The following MBOAT2 variants were observed in gnomAD, a reference collection of about 807,000 sequenced individuals.
MBOAT2 encodes membrane bound glycerophospholipid O-acyltransferase 2, also known as membrane-bound glycerophospholipid O-acyltransferase 2.
In MBOAT2, 28 loss-of-function variants were observed where a neutral mutation model predicts 63.4. The ratio of observed to expected loss-of-function variants is 0.44; its 90% CI spans 0.33 to 0.61. MBOAT2 has a LOEUF of 0.61. Ranked by LOEUF, MBOAT2 falls within the 20% of genes least tolerant of loss-of-function variation. MBOAT2 has a pLI of 0.03. For synonymous variants in MBOAT2, 211 were observed against 215.6 expected, an observed-to-expected ratio of 0.98 and a Z score of 0.19; for missense variants, 470 against 605.8, an observed-to-expected ratio of 0.78 and a Z score of 2.35.
intron 3 of MBOAT2, among the ~76,000 whole-genome samples, chr2:8,930,387 A>G (rs937528863): frequency 6.6e-6 from 1 of 151,750 alleles, no homozygotes; most frequent in African/African-American, 2.4e-5. Context: ...AGCTTCATCC[A>G]TGTTCCTACA....
At chr2:8,957,812 G>GT (rs1238912210) in intron 2 of MBOAT2, among the ~76,000 whole-genome samples, 1 of 152,164 alleles carries the variant, frequency 6.6e-6, no homozygotes, top group Non-Finnish European at 1.5e-5. Context: ...AGTTTCTGCT[G>GT]TTTTGCCAAG....
At chr2:8,985,814 C>T (rs754793207) in intron 1 of MBOAT2, among the ~76,000 whole-genome samples, 4 of 152,158 alleles carry the variant, frequency 2.6e-5, no homozygotes, top group Non-Finnish European at 5.9e-5. Context: ...TCAACTCTTG[C>T]CCTCCACACA....
At position 9,003,244 on chromosome 2, in the gene MBOAT2, G is replaced by C. The variant is rs1672839139; in HGVS notation, c.75+296C>G. ...GCCGCTGCCGCGAAGGGCAGGGACC[G>C]CATGCACACCCGCACGCCCATACGA... On this transcript the variant is annotated intron_variant, in intron 1 of 12. Transcript: ENST00000305997. This position sits in a 1 kb window ranked among gnomAD's most constrained non-coding sequence, Gnocchi z 5.4. Among the ~76,000 whole-genome samples, 1 of 152,150 alleles carries C rather than the reference G, an allele frequency of 6.6e-6. No homozygotes were observed. Among genetic ancestry groups the C allele is most frequent in the African/African-American group, 2.4e-5 (1 of 41,454 alleles).
rs111700541 is a variant in MBOAT2, at chr2:8,858,412, C to T, written c.*267G>A. On this transcript the variant is annotated 3_prime_UTR_variant, in exon 13 of 13. Coordinates refer to ENST00000305997, the MANE Select transcript of MBOAT2 (RefSeq NM_138799.4). ...AACATACATTCAGCAACAGGGCACG[C>T]GTGTGACCCTACGGACAAGTGCTGA... 2.8e-4 allele frequency: 104 copies of T among 367,992 alleles called. No homozygotes were observed. In the East Asian group the frequency reaches 3.0e-3, roughly 11 times the overall value. The allele number at this position is 367,992 out of a possible 1,614,324, so 22.8% of individuals were successfully genotyped here. A position where few individuals can be genotyped will look rare whatever the true frequency, so the allele number is the denominator to read the frequency against.
At chr2:8,927,999 G>C (rs939301974) in intron 3 of MBOAT2, among the ~76,000 whole-genome samples, 4 of 152,138 alleles carry the variant, frequency 2.6e-5, no homozygotes, top group African/African-American at 9.7e-5. Context: ...AGAAGGTGAA[G>C]GGGGAGCAGC....
At chr2:8,945,387 T>C (rs928591720) in intron 2 of MBOAT2, among the ~76,000 whole-genome samples, 2 of 152,176 alleles carry the variant, frequency 1.3e-5, no homozygotes, top group Non-Finnish European at 2.9e-5. Flanking sequence ...ATAAACACAG[T>C]GGCCACTTGA....
intron 4 of MBOAT2, among the ~76,000 whole-genome samples, chr2:8,895,817 T>G (rs548400349): frequency 5.9e-5 from 9 of 152,096 alleles, no homozygotes; most frequent in African/African-American, 9.7e-5. Flanking sequence ...GCCTCGATTC[T>G]AGAGGAAACA....
intron 3 of MBOAT2, among the ~76,000 whole-genome samples, chr2:8,923,778 T>C (rs964617909): frequency 6.6e-6 from 1 of 152,292 alleles, no homozygotes; most frequent in South Asian, 2.1e-4. Flanking sequence ...TGAATTAACA[T>C]TTCTCAAATT....
At chr2:8,916,086 G>T (rs565833510) in intron 3 of MBOAT2, among the ~76,000 whole-genome samples, 4 of 152,322 alleles carry the variant, frequency 2.6e-5, no homozygotes, top group Non-Finnish European at 5.9e-5. Flanking sequence ...TACATGTGCA[G>T]GGTCCATCTT....
intron 1 of MBOAT2, among the ~76,000 whole-genome samples, chr2:8,973,826 A>G (rs1670630900): frequency 6.6e-6 from 1 of 152,216 alleles, no homozygotes; most frequent in South Asian, 2.1e-4. Context: ...TGTCAAGTGT[A>G]TAAGGAAACA....
intron 1 of MBOAT2, among the ~76,000 whole-genome samples, chr2:8,960,710 T>C (rs552612100): frequency 2.4e-4 from 37 of 152,346 alleles, no homozygotes; most frequent in African/African-American, 8.4e-4. Context: ...TGAAATCATC[T>C]CTTTTCAACA....
chr2:8,991,852 C>A (rs1486956583), intron 1 of MBOAT2, among the ~76,000 whole-genome samples: 1 of 152,200 alleles, frequency 6.6e-6, no homozygotes, highest in East Asian at 1.9e-4. Flanking sequence ...AGCGAACATT[C>A]CTTTATGGTC....
chr2:8,931,381 G>C (rs1469633020), intron 3 of MBOAT2, among the ~76,000 whole-genome samples: 3 of 151,938 alleles, frequency 2.0e-5, no homozygotes, highest in Non-Finnish European at 4.4e-5. Flanking sequence ...TTGGCTTCTG[G>C]GGAGGTCTCA....
rs1205154550 is a variant in MBOAT2 at position 8,854,079 on chromosome 2, A to C, written c.*4600T>G. 1 of 152,222 alleles carries C rather than the reference A, an allele frequency of 6.6e-6. No individual in the cohort carries two copies. The highest frequency in any genetic ancestry group is 1.5e-5 in the Non-Finnish European group (1 of 68,030). 9.4% of individuals were successfully genotyped at this position (152,222 alleles called of 1,614,324 possible). On this transcript the variant is annotated 3_prime_UTR_variant, in exon 13 of 13. Coordinates refer to ENST00000305997, the MANE Select transcript of MBOAT2 (RefSeq NM_138799.4). ...ATAAGAGCTTTCCTACAAAATACCG[A>C]TGTGGAAAATTTCATTTTAAAATTT...
chr2:8,918,805 TTATTGTAAGTG>T (rs1666369361), intron 3 of MBOAT2, among the ~76,000 whole-genome samples: 1 of 152,214 alleles, frequency 6.6e-6, no homozygotes, highest in African/African-American at 2.4e-5. Context: ...TGAAATTTAC[TTATTGTAAGTG>T]TATAATTCAA....
Position 8,862,782 on chromosome 2 carries a change from C to T in MBOAT2, c.1053-60G>A. 1 of 1,551,016 alleles carries T rather than the reference C, an allele frequency of 6.4e-7. No homozygotes were observed. The highest frequency in any genetic ancestry group is 8.7e-7 in the Non-Finnish European group (1 of 1,151,802). ...AGTGAGTGACCCGAGTTTACAAAGC[C>T]TGCAATGATCATTCTTTTATTACCT... On this transcript the variant is annotated intron_variant, in intron 10 of 12. Coordinates refer to ENST00000305997, the MANE Select transcript of MBOAT2 (RefSeq NM_138799.4). The surrounding 1 kb of genome is among the most constrained non-coding windows in gnomAD (Gnocchi z 4.3).
chr2:8,937,138 G>A (rs1164406050), intron 3 of MBOAT2, among the ~76,000 whole-genome samples: 1 of 152,214 alleles, frequency 6.6e-6, no homozygotes, highest in Non-Finnish European at 1.5e-5. Context: ...ACAAGAATCA[G>A]GGATGAGACT....
intron 1 of MBOAT2, among the ~76,000 whole-genome samples, chr2:8,967,353 A>G (rs143973949): frequency 6.6e-6 from 1 of 152,352 alleles, no homozygotes; most frequent in African/African-American, 2.4e-5. Context: ...ATGTACTGTA[A>G]TAAATAGACA....
At position 8,873,218 on chromosome 2, in the gene MBOAT2, T is replaced by A; in HGVS notation, c.773A>T (p.Tyr258Phe). 1 of 1,614,194 alleles carries A rather than the reference T, an allele frequency of 6.2e-7. No individual in the cohort carries two copies. The highest frequency in any genetic ancestry group is 1.1e-5 in the South Asian group (1 of 91,084). The change falls in exon 8 of 13, where the codon TAC (tyrosine) becomes TTC (phenylalanine). Residue 258 changes from tyrosine to phenylalanine, a missense_variant. Physicochemically the swap from Tyr to Phe is conservative, Grantham distance 22. This residue lies in a region of MBOAT2 where 376 missense variants were observed against 503.8 expected (regional missense o/e 0.75). Transcript: ENST00000305997. ...LTICTTLPVE[Y>F]NIDEHFQATA... ...AGCTTGAAAATGCTCATCAATGTTGTACTCCACAGGTAATGTTGTACAGAT... is the reference window on the plus strand; with the variant it reads ...AGCTTGAAAATGCTCATCAATGTTGAACTCCACAGGTAATGTTGTACAGAT...
Sources: allele counts gnomAD v4.1 joint callset (sites outside exome capture counted in the v4.1 genomes callset), GRCh38; gene constraint gnomAD v4.1.1; regional missense constraint gnomAD v4.1.1; non-coding constraint Gnocchi (gnomAD v3.1); transcripts MANE v1.5; gene names NCBI Gene and HGNC (gene_info 2026-07-23, HGNC 2026-07-21).